The following C12orf42 variants were observed in gnomAD, a reference collection of about 807,000 sequenced individuals.
C12orf42 encodes uncharacterized protein C12orf42.
Under a neutral mutation model 21.6 loss-of-function variants are expected in C12orf42, and 25 were observed. The ratio of observed to expected loss-of-function variants is 1.16; its 90% confidence interval spans 0.84 to 1.62. The LOEUF is 1.62. Ranked by LOEUF, C12orf42 falls within the 40% of genes most tolerant of loss-of-function variation. C12orf42 has a pLI of 0.00. For synonymous variants in C12orf42, 174 were observed against 175.0 expected, an observed-to-expected ratio of 0.99 and a Z score of 0.05; for missense variants, 483 against 459.3, an observed-to-expected ratio of 1.05 and a Z score of -0.47.
At chr12:103,155,141 T>A in the C12orf42 span, 1 of 152,202 alleles carries the variant, frequency 6.6e-6, no homozygotes, top group African/African-American at 2.4e-5. Context: ...ATGGCCCCTT[T>A]CTTAGTTTAG....
chr12:103,121,361 G>T, the C12orf42 span, among the ~76,000 whole-genome samples: 1,085 of 152,342 alleles, frequency 7.1e-3, 16 homozygotes, highest in African/African-American at 0.025. Flanking sequence ...TGGTCAGCAG[G>T]CTGAATAGAA....
intron 1 of C12orf42, among the ~76,000 whole-genome samples, chr12:103,486,706 G>C (rs1954857675): frequency 6.6e-6 from 1 of 152,064 alleles, no homozygotes; most frequent in Non-Finnish European, 1.5e-5. Context: ...TATATGTCCA[G>C]GAATTTATCC....
chr12:103,498,864 C>T (rs1170190088), upstream of C12orf42, among the ~76,000 whole-genome samples: 6 of 138,382 alleles, frequency 4.3e-5, no homozygotes, highest in African/African-American at 1.6e-4. Context: ...TGCACTGGGG[C>T]CTGTTGGGGG....
chr12:103,148,709 A>G, the C12orf42 span, among the ~76,000 whole-genome samples: 1 of 152,206 alleles, frequency 6.6e-6, no homozygotes, highest in Non-Finnish European at 1.5e-5. Flanking sequence ...AATTGTCTCT[A>G]TAATGTAACA....
the C12orf42 span, among the ~76,000 whole-genome samples, chr12:103,076,477 T>C: frequency 6.6e-6 from 1 of 152,032 alleles, no homozygotes; most frequent in Non-Finnish European, 1.5e-5. Context: ...GTTAATGTCA[T>C]TCTAGGACCA....
intron 5 of C12orf42, chr12:103,273,724 G>C (rs1425834614): frequency 2.5e-6 from 1 of 406,738 alleles, no homozygotes; most frequent in East Asian, 7.2e-5. Flanking sequence ...CAGAAATTAG[G>C]GAAAAGAAGA....
chr12:103,222,428 T>C, the C12orf42 span, among the ~76,000 whole-genome samples: 5 of 152,154 alleles, frequency 3.3e-5, no homozygotes. Context: ...ACACTTCTTT[T>C]GTAGTGGAAT....
At chr12:103,305,062 T>C (rs925250266) in intron 5 of C12orf42, among the ~76,000 whole-genome samples, 1 of 152,194 alleles carries the variant, frequency 6.6e-6, no homozygotes, top group African/African-American at 2.4e-5. Context: ...TTTTGGGCCA[T>C]AAATAAAATA....
chr12:103,346,568 A>G (rs1396056380), intron 4 of C12orf42, among the ~76,000 whole-genome samples: 1 of 152,176 alleles, frequency 6.6e-6, no homozygotes, highest in East Asian at 1.9e-4. Flanking sequence ...GTCCTGAAAT[A>G]AAGTGAGTCT....
chr12:103,211,304 C>T, the C12orf42 span, among the ~76,000 whole-genome samples: 1 of 151,590 alleles, frequency 6.6e-6, no homozygotes, highest in Non-Finnish European at 1.5e-5. Flanking sequence ...TAATTAGGAC[C>T]TCATCATTAG....
chr12:103,461,732 G>C (rs969226371), intron 2 of C12orf42, among the ~76,000 whole-genome samples: 1 of 151,956 alleles, frequency 6.6e-6, no homozygotes, highest in African/African-American at 2.4e-5. Context: ...ACTGAGATTT[G>C]GATTAAATGA....
intron 2 of C12orf42, among the ~76,000 whole-genome samples, chr12:103,416,506 A>T (rs531901024): frequency 1.3e-5 from 2 of 152,320 alleles, no homozygotes; most frequent in South Asian, 2.1e-4. Flanking sequence ...TGATAAATTC[A>T]TGGGAATAAA....
At chr12:103,302,678 AAG>A in intron 5 of C12orf42, 119 bp from the exon 6 acceptor site, 1 of 749,204 alleles carries the variant, frequency 1.3e-6, no homozygotes, top group Non-Finnish European at 2.0e-6. Context: ...TCAGAGGGGA[AAG>A]AAAAAAAAAA....
chr12:103,250,021 C>T (rs2034213836), intron 10 of C12orf42, among the ~76,000 whole-genome samples: 1 of 151,946 alleles, frequency 6.6e-6, no homozygotes, highest in South Asian at 2.1e-4. Context: ...TTAGTTGATG[C>T]AAATAATATT....
At chr12:103,158,490 C>T in the C12orf42 span, among the ~76,000 whole-genome samples, 1 of 152,048 alleles carries the variant, frequency 6.6e-6, no homozygotes, top group African/African-American at 2.4e-5. Context: ...CCTTATCTTC[C>T]TAAGTTAATA....
intron 4 of C12orf42, among the ~76,000 whole-genome samples, chr12:103,321,234 C>A (rs1043598464): frequency 6.6e-6 from 1 of 151,396 alleles, no homozygotes; most frequent in African/African-American, 2.4e-5. Context: ...CAAAAGAAGA[C>A]ATTTATGCAG....
At chr12:103,446,811 C>T (rs367707414) in intron 2 of C12orf42, among the ~76,000 whole-genome samples, 27 of 151,946 alleles carry the variant, frequency 1.8e-4, no homozygotes, top group African/African-American at 6.0e-4. Flanking sequence ...AGGAAAATAT[C>T]ACAATCCTAA....
chr12:103,461,515 A>G (rs1161584540), intron 2 of C12orf42, among the ~76,000 whole-genome samples: 3 of 152,218 alleles, frequency 2.0e-5, no homozygotes, highest in African/African-American at 7.2e-5. Flanking sequence ...CATAACATGT[A>G]CAGACATGTG....
At chr12:103,439,302 C>A (rs1951006609) in intron 2 of C12orf42, among the ~76,000 whole-genome samples, 2 of 152,050 alleles carry the variant, frequency 1.3e-5, no homozygotes, top group Non-Finnish European at 2.9e-5. Flanking sequence ...AACCATAAAA[C>A]CCTAGAAGAA....
Sources: gnomAD v4.1 joint callset for allele counts (sites outside exome capture counted in the v4.1 genomes callset) on GRCh38, gnomAD v4.1.1 for gene constraint, MANE v1.5 for transcripts, NCBI Gene and HGNC (gene_info 2026-07-23, HGNC 2026-07-21) for gene names.